PRPF39: variants seen among roughly 807,000 people sequenced by gnomAD.
The protein encoded by PRPF39 is pre-mRNA processing factor 39, also known as pre-mRNA-processing factor 39.
PRPF39 carries 27 observed loss-of-function variants against 82.1 expected under a neutral mutation model. That is an observed-to-expected ratio of 0.33 (90% confidence interval 0.24 to 0.45). The LOEUF (loss-of-function observed/expected upper bound fraction) is 0.45, where lower values mean the gene tolerates loss of function less well. Ranked by LOEUF, PRPF39 falls within the 20% of genes least tolerant of loss-of-function variation. The probability of loss-of-function intolerance (pLI) is 1.00; values close to 1 mark genes in which losing one functional copy is unlikely to be tolerated. For synonymous variants in PRPF39, 261 were observed against 256.4 expected (o/e 1.02, Z -0.17); for missense variants, 581 against 796.9 (o/e 0.73, Z 3.26).
intron 1 of PRPF39, among the ~76,000 whole-genome samples, chr14:45,085,525 T>C (rs1185762953): frequency 6.6e-6 from 1 of 152,156 alleles, no homozygotes; most frequent in African/African-American, 2.4e-5. Context: ...TCAAAAAAAA[T>C]TAAAAATAGC....
intron 1 of PRPF39, among the ~76,000 whole-genome samples, chr14:45,085,749 A>T (rs1485749882): frequency 1.3e-5 from 2 of 152,154 alleles, no homozygotes; most frequent in African/African-American, 4.8e-5. Context: ...TTTTCTTCTT[A>T]CATCCCAAAT....
intron 4 of PRPF39, among the ~76,000 whole-genome samples, chr14:45,101,106 G>A (rs1035435565): frequency 2.0e-5 from 3 of 152,254 alleles, no homozygotes; most frequent in South Asian, 2.1e-4. Context: ...AGTGCCAAAC[G>A]TGTAATTACT....
intron 1 of PRPF39, among the ~76,000 whole-genome samples, chr14:45,092,052 G>C (rs909247539): frequency 4.6e-5 from 7 of 152,162 alleles, no homozygotes; most frequent in Admixed American, 4.6e-4. Context: ...TCAAATCCAA[G>C]GTAAGAATAA....
chr14:45,106,814 AAT>A (rs1884547488), intron 5 of PRPF39, among the ~76,000 whole-genome samples: 1 of 152,152 alleles, frequency 6.6e-6, no homozygotes, highest in Non-Finnish European at 1.5e-5. Flanking sequence ...TAAGAAGGGG[AAT>A]AAGACATAGA....
At chr14:45,097,971 T>G (rs1566693498) in intron 4 of PRPF39, among the ~76,000 whole-genome samples, 1 of 152,242 alleles carries the variant, frequency 6.6e-6, no homozygotes, top group Non-Finnish European at 1.5e-5. Flanking sequence ...CTTTCTTTCT[T>G]TCTCTGTTAG....
intron 5 of PRPF39, among the ~76,000 whole-genome samples, chr14:45,103,963 G>A (rs1884450366): frequency 6.6e-6 from 1 of 152,064 alleles, no homozygotes; most frequent in East Asian, 1.9e-4. Context: ...TGTGCTGAGT[G>A]CTTTGTAACT....
intron 5 of PRPF39, among the ~76,000 whole-genome samples, chr14:45,103,012 T>G (rs74689774): frequency 0.027 from 4,156 of 152,248 alleles, 94 homozygotes; most frequent in Middle Eastern, 0.048. Flanking sequence ...TAAGTTGAGT[T>G]ATTTATTTAT....
chr14:45,103,042 G>A (rs1399166233), intron 5 of PRPF39, among the ~76,000 whole-genome samples: 2 of 152,118 alleles, frequency 1.3e-5, no homozygotes, highest in Admixed American at 1.3e-4. Context: ...TTGACACAGT[G>A]CCTGGCACAT....
At position 45,110,683 on chromosome 14, in the gene PRPF39, G is replaced by A. The variant is rs775917565; in HGVS notation, c.1438G>A (p.Asp480Asn). Residue 480 changes from aspartate (D) to asparagine (N), a missense_variant, in exon 10 of 14, where the codon GAT becomes AAT. By Grantham distance (23) the Asp-to-Asn change is conservative (BLOSUM62 1). Transcript: ENST00000355765. The surrounding 1 kb of genome is among the most constrained non-coding windows in gnomAD (Gnocchi z 4.0). ...NLEEAEHLLQ[D>N]AIKNAKSNNE... Reference sequence around the variant, plus strand: ...GGAAGAAGCTGAACATTTGCTTCAGGATGCCATTAAGAATGCCAAATCAAA... The same window carrying A: ...GGAAGAAGCTGAACATTTGCTTCAGAATGCCATTAAGAATGCCAAATCAAA... 11 of 1,575,836 alleles carry A rather than the reference G, an allele frequency of 7.0e-6. No homozygotes were observed. In the South Asian group the frequency reaches 1.0e-4, roughly 15 times the overall value.
chr14:45,095,265 A>G lies in PRPF39; in HGVS notation c.26A>G (p.Tyr9Cys), dbSNP rs772418946. 2.5e-6 allele frequency: 4 copies of G among 1,601,880 alleles called. No individual in the cohort carries two copies. The highest frequency in any genetic ancestry group is 3.4e-6 in the Non-Finnish European group (4 of 1,170,560). Reference sequence around the variant, plus strand: ...ATGCAAAATTCTCACATGGATGAATACAGAAATTCTAGTAATGGCAGCACA... The same window carrying G: ...ATGCAAAATTCTCACATGGATGAATGCAGAAATTCTAGTAATGGCAGCACA... MQNSHMDEYRNSSNGSTGN... is the reference protein window; with the variant it reads MQNSHMDECRNSSNGSTGN... The change falls in exon 2 of 14, where the codon TAC (tyrosine) becomes TGC (cysteine). Residue 9 changes from tyrosine (Y) to cysteine (C), a missense_variant. By Grantham distance (194) the Tyr-to-Cys change is radical. Coordinates refer to ENST00000355765, the MANE Select transcript of PRPF39 (RefSeq NM_017922.4).
intron 4 of PRPF39, among the ~76,000 whole-genome samples, chr14:45,102,124 C>G (rs1884394849): frequency 6.6e-6 from 1 of 152,082 alleles, no homozygotes; most frequent in South Asian, 2.1e-4. Flanking sequence ...TTTCACCATG[C>G]CTCATGAAAA....
At position 45,109,057 on chromosome 14, in the gene PRPF39, C is replaced by T. The variant is rs139855886; in HGVS notation, c.1011+535C>T. Among the ~76,000 whole-genome samples, 181 of 152,302 alleles carry T rather than the reference C, an allele frequency of 1.2e-3. 1 individual carries two copies. The highest frequency in any genetic ancestry group is 4.2e-3 in the African/African-American group (174 of 41,560). On this transcript the variant is annotated intron_variant, in intron 7 of 13. Transcript: ENST00000355765. ...ATAACACCTTAACTTTTAGTTGTCA[C>T]TACCCCTACCTCCTCAGCTGCGACC... is the stretch of plus-strand genomic sequence containing the variant.
In PRPF39 at chr14:45,114,842, A is replaced by G; in HGVS notation, c.1954-15A>G. On this transcript the variant is annotated splice_polypyrimidine_tract_variant and intron_variant, in intron 13 of 13. Coordinates refer to ENST00000355765, the MANE Select transcript of PRPF39 (RefSeq NM_017922.4). ...ACAGTTCTAATATGCTAACATACTT[A>G]CTTTTTCCTTTCAGTACAATTATCA... 6.3e-7 allele frequency: 1 copy of G among 1,578,442 alleles called. No individual in the cohort carries two copies. The highest frequency in any genetic ancestry group is 8.7e-7 in the Non-Finnish European group (1 of 1,148,342).
At chr14:45,106,362 A>C (rs1884533083) in intron 5 of PRPF39, among the ~76,000 whole-genome samples, 1 of 152,090 alleles carries the variant, frequency 6.6e-6, no homozygotes, top group African/African-American at 2.4e-5. Flanking sequence ...CAAGAAAATA[A>C]AGAAAGAAAT....
chr14:45,097,805 T>A (rs1884248167), intron 4 of PRPF39, among the ~76,000 whole-genome samples: 1 of 152,220 alleles, frequency 6.6e-6, no homozygotes, highest in South Asian at 2.1e-4. Context: ...AATGTACTTG[T>A]TTTTGGTTTT....
intron 1 of PRPF39, among the ~76,000 whole-genome samples, chr14:45,094,684 CG>C (rs2139042945): frequency 6.6e-6 from 1 of 152,246 alleles, no homozygotes; most frequent in South Asian, 2.1e-4. Context: ...ATTTATAAAT[CG>C]TAAGTATATA....
intron 1 of PRPF39, among the ~76,000 whole-genome samples, chr14:45,088,662 T>C: frequency 6.6e-6 from 1 of 152,216 alleles, no homozygotes; most frequent in Non-Finnish European, 1.5e-5. Context: ...GAAAGTAGCA[T>C]TTAACAAAAT....
At chr14:45,114,448 T>TTA (rs1320454781) in intron 12 of PRPF39, 46 bp from the exon 13 acceptor site, 1 of 1,518,838 alleles carries the variant, frequency 6.6e-7, no homozygotes, top group Non-Finnish European at 8.8e-7. Context: ...GTTAAAGTTC[T>TTA]TACCTGTGGG....
intron 1 of PRPF39, among the ~76,000 whole-genome samples, chr14:45,091,932 A>G (rs1884041322): frequency 1.3e-5 from 2 of 152,228 alleles, no homozygotes; most frequent in East Asian, 3.9e-4. Context: ...CTTACACAAT[A>G]GGAAGGTGGC....
Sources: gnomAD v4.1 joint callset for allele counts (sites outside exome capture counted in the v4.1 genomes callset) on GRCh38, gnomAD v4.1.1 for gene constraint, Gnocchi (gnomAD v3.1) non-coding constraint, MANE v1.5 for transcripts, NCBI Gene and HGNC (gene_info 2026-07-23, HGNC 2026-07-21) for gene names.